Variants in HMGCLL1 observed in about 807,000 individuals in gnomAD.
The protein encoded by HMGCLL1 is 3-hydroxy-3-methylglutaryl-CoA lyase like 1.
HMGCLL1 carries 36 observed loss-of-function variants against 39.1 expected under a neutral mutation model. That is an observed-to-expected ratio of 0.92 (90% CI 0.71 to 1.22). The LOEUF (loss-of-function observed/expected upper bound fraction) is 1.22, where lower values mean the gene tolerates loss of function less well. Among genes scored for constraint, HMGCLL1 ranks in the 50% most tolerant of loss-of-function variants. The pLI is 0.00. For missense variants in HMGCLL1, 451 were observed against 416.5 expected (o/e 1.08, Z -0.72); for synonymous variants, 149 against 144.0 (o/e 1.03, Z -0.25).
chr6:55,472,012 A>C (rs1398427268), intron 7 of HMGCLL1, among the ~76,000 whole-genome samples: 1 of 151,754 alleles, frequency 6.6e-6, no homozygotes, highest in East Asian at 1.9e-4. Context: ...CATTCTCATA[A>C]GTGATACATA....
the HMGCLL1 span, among the ~76,000 whole-genome samples, chr6:55,603,828 T>C: frequency 1.3e-5 from 2 of 152,180 alleles, no homozygotes; most frequent in Admixed American, 6.6e-5. Context: ...GTAGCTTAGA[T>C]TTCTGCCACA....
upstream of HMGCLL1, among the ~76,000 whole-genome samples, chr6:55,581,663 G>A (rs887910284): frequency 1.3e-5 from 2 of 151,940 alleles, no homozygotes. Context: ...AGGTTCTATA[G>A]TTCTCTCTTG....
At chr6:55,511,920 C>T (rs1408556163) in intron 5 of HMGCLL1, among the ~76,000 whole-genome samples, 1 of 152,000 alleles carries the variant, frequency 6.6e-6, no homozygotes, top group East Asian at 1.9e-4. Context: ...ATACATTTGT[C>T]TATAATTCTA....
chr6:55,465,741 C>T (rs1406257589), intron 7 of HMGCLL1, among the ~76,000 whole-genome samples: 2 of 151,988 alleles, frequency 1.3e-5, no homozygotes, highest in Admixed American at 6.6e-5. Flanking sequence ...GTTCTGACTA[C>T]GTTAATTCCC....
At chr6:55,530,510 G>A (rs1768602143) in intron 3 of HMGCLL1, among the ~76,000 whole-genome samples, 1 of 151,744 alleles carries the variant, frequency 6.6e-6, no homozygotes, top group Non-Finnish European at 1.5e-5. Flanking sequence ...AAATAAGCTT[G>A]GATAAAATTT....
chr6:55,529,821 C>T (rs1401002181), intron 3 of HMGCLL1, among the ~76,000 whole-genome samples: 1 of 151,926 alleles, frequency 6.6e-6, no homozygotes, highest in African/African-American at 2.4e-5. Context: ...ACTTATTATT[C>T]AACATTTGGG....
chr6:55,586,866 G>A, the HMGCLL1 span, among the ~76,000 whole-genome samples: 1 of 152,088 alleles, frequency 6.6e-6, no homozygotes, highest in Non-Finnish European at 1.5e-5. Context: ...ATGTGTGCAT[G>A]TGTCTTTATA....
the HMGCLL1 span, among the ~76,000 whole-genome samples, chr6:55,631,171 G>A: frequency 1.8e-4 from 27 of 151,870 alleles, no homozygotes; most frequent in Non-Finnish European, 1.9e-4. Context: ...GAAAGTTCTC[G>A]GTTATTATGT....
intron 7 of HMGCLL1, among the ~76,000 whole-genome samples, chr6:55,491,737 C>T (rs979107176): frequency 5.3e-5 from 8 of 152,078 alleles, no homozygotes; most frequent in East Asian, 1.9e-4. Context: ...GGGCCACATC[C>T]GTTTCTTCCG....
At chr6:55,479,642 T>C (rs1480847592) in intron 7 of HMGCLL1, among the ~76,000 whole-genome samples, 1 of 151,662 alleles carries the variant, frequency 6.6e-6, no homozygotes, top group African/African-American at 2.4e-5. Context: ...CAGAACAATG[T>C]AGACACTCAC....
At chr6:55,538,805 AGTG>A (rs1769173547) in intron 3 of HMGCLL1, among the ~76,000 whole-genome samples, 1 of 151,922 alleles carries the variant, frequency 6.6e-6, no homozygotes, top group South Asian at 2.1e-4. Context: ...TGGTATAGGT[AGTG>A]GCTAATCAAA....
At chr6:55,635,918 G>T in the HMGCLL1 span, among the ~76,000 whole-genome samples, 62,155 of 151,994 alleles carry the variant, frequency 0.41, 13,335 homozygotes, top group Middle Eastern at 0.56. Context: ...CACAGAAGCT[G>T]CTCTGGGAAC....
At chr6:55,466,138 C>A (rs1055648868) in intron 7 of HMGCLL1, among the ~76,000 whole-genome samples, 3 of 152,050 alleles carry the variant, frequency 2.0e-5, no homozygotes, top group African/African-American at 7.2e-5. Context: ...ACCCTACAAG[C>A]CTCTATGGGA....
At chr6:55,589,642 T>C in the HMGCLL1 span, among the ~76,000 whole-genome samples, 1 of 152,134 alleles carries the variant, frequency 6.6e-6, no homozygotes, top group Non-Finnish European at 1.5e-5. Context: ...TGATTGTATA[T>C]CTAGAAAACC....
intron 7 of HMGCLL1, among the ~76,000 whole-genome samples, chr6:55,483,861 T>A (rs1054592139): frequency 6.6e-6 from 1 of 152,192 alleles, no homozygotes; most frequent in Non-Finnish European, 1.5e-5. Context: ...GATATGATTT[T>A]AAAAATTATT....
chr6:55,446,103 C>T (rs1235278217), intron 7 of HMGCLL1, among the ~76,000 whole-genome samples: 7 of 151,770 alleles, frequency 4.6e-5, no homozygotes, highest in African/African-American at 4.8e-5. Context: ...CTGTAGCTCA[C>T]AGAATTTAGC....
intron 7 of HMGCLL1, among the ~76,000 whole-genome samples, chr6:55,440,476 G>A (rs1221335524): frequency 1.3e-5 from 2 of 152,098 alleles, no homozygotes; most frequent in Non-Finnish European, 2.9e-5. Context: ...TACCGGAGAA[G>A]TTATGGAAGA....
At chr6:55,532,563 G>A (rs1355680780) in intron 3 of HMGCLL1, among the ~76,000 whole-genome samples, 1 of 151,972 alleles carries the variant, frequency 6.6e-6, no homozygotes, top group Admixed American at 6.6e-5. Context: ...AACACTTTGG[G>A]AGCCTGAGGC....
chr6:55,632,083 G>A, the HMGCLL1 span, among the ~76,000 whole-genome samples: 3 of 152,030 alleles, frequency 2.0e-5, no homozygotes, highest in Admixed American at 2.0e-4. Flanking sequence ...TGAGTGAAAT[G>A]GATTAGTTAA....
Sources: allele counts gnomAD v4.1 joint callset (sites outside exome capture counted in the v4.1 genomes callset), GRCh38; gene constraint gnomAD v4.1.1; transcripts MANE v1.5; gene names NCBI Gene and HGNC (gene_info 2026-07-23, HGNC 2026-07-21).